The following ITGAV variants were observed in gnomAD, a reference collection of about 807,000 sequenced individuals.
The protein encoded by ITGAV is integrin alpha-V.
In ITGAV, 76 loss-of-function variants were observed where a neutral mutation model predicts 143.8. The observed-to-expected ratio is 0.53, with a 90% CI of 0.44 to 0.64. The LOEUF (loss-of-function observed/expected upper bound fraction) is 0.64. ITGAV is among the 30% of genes least tolerant of loss of function. The pLI is 0.00. For synonymous variants in ITGAV, 453 were observed against 446.7 expected (o/e 1.01, Z -0.18); for missense variants, 1,193 against 1,274.7 (o/e 0.94, Z 0.98).
At chr2:186,595,809 T>A (rs1206657285) in intron 1 of ITGAV, among the ~76,000 whole-genome samples, 1 of 152,020 alleles carries the variant, frequency 6.6e-6, no homozygotes, top group Non-Finnish European at 1.5e-5. Flanking sequence ...CAGCTTCAGA[T>A]TTACACTGCT....
chr2:186,666,779 CA>C lies in ITGAV; in HGVS notation c.2245del (p.Ser749AlafsTer8), dbSNP rs923864591. 6.4e-7 allele frequency: 1 copy of C among 1,558,734 alleles called. No individual in the cohort carries two copies. The highest frequency in any genetic ancestry group is 8.7e-7 in the Non-Finnish European group (1 of 1,149,410). On this transcript the variant is annotated frameshift_variant, in exon 22 of 30. Transcript: ENST00000261023. LOFTEE classifies it high-confidence loss of function. Reference protein sequence around the residue: ...DTSVKFDLQIQSSNLFDKVSP... With the variant: ...DTSVKFDLQIXSSNLFDKVSP... ...TTCTGTGAAATTTGACTTACAAATC[CA>C]AAGGTATGAAAACAACTTATATTCA...
intron 13 of ITGAV, 135 bp from the exon 14 acceptor site, chr2:186,649,705 A>G (rs547309413): frequency 3.9e-6 from 2 of 511,158 alleles, no homozygotes; most frequent in South Asian, 8.1e-5. Context: ...AGCCTTTTAT[A>G]TGATGTCTTA....
intron 18 of ITGAV, 107 bp from the exon 19 acceptor site, chr2:186,663,659 AAT>A (rs1688809400): frequency 7.2e-6 from 5 of 690,198 alleles, no homozygotes; most frequent in Non-Finnish European, 1.2e-5. Context: ...AGTATCTGAA[AAT>A]ATATACATGT....
Position 186,590,206 on chromosome 2 carries a change from C to T in ITGAV, c.-133C>T. The T allele has an allele frequency of 1.4e-6, 1 of 726,862 alleles. No individual in the cohort carries two copies. 45.0% of individuals were successfully genotyped at this position (726,862 alleles called of 1,614,324 possible). A position where few individuals can be genotyped will look rare whatever the true frequency, so the allele number is the denominator to read the frequency against. On this transcript the variant is annotated 5_prime_UTR_variant, in exon 1 of 30. Coordinates refer to ENST00000261023, the MANE Select transcript of ITGAV (RefSeq NM_002210.5). ...CCTCTTGCCTGCCCCGGAGCTGTCCCGGGCTAGCCGAGAAGAGAGCGGCCG... is the reference window on the plus strand; with the variant it reads ...CCTCTTGCCTGCCCCGGAGCTGTCCTGGGCTAGCCGAGAAGAGAGCGGCCG...
intron 6 of ITGAV, among the ~76,000 whole-genome samples, chr2:186,634,916 T>A (rs1227567901): frequency 6.6e-6 from 1 of 152,124 alleles, no homozygotes; most frequent in Non-Finnish European, 1.5e-5. Context: ...TCAAGGAAGC[T>A]AAATTTTGTG....
At chr2:186,642,324 C>T (rs1688126624) in intron 12 of ITGAV, among the ~76,000 whole-genome samples, 1 of 151,730 alleles carries the variant, frequency 6.6e-6, no homozygotes, top group African/African-American at 2.4e-5. Flanking sequence ...GCCTATGCCC[C>T]CTTAAAACCT....
At chr2:186,668,358 T>G (rs1157828496) in intron 24 of ITGAV, among the ~76,000 whole-genome samples, 1 of 149,312 alleles carries the variant, frequency 6.7e-6, no homozygotes, top group East Asian at 2.0e-4. Flanking sequence ...GCTGAGTAGC[T>G]GGGATTACAC....
At chr2:186,640,351 T>C (rs1688067695) in intron 10 of ITGAV, among the ~76,000 whole-genome samples, 1 of 152,208 alleles carries the variant, frequency 6.6e-6, no homozygotes. Context: ...TGGCAAGTAA[T>C]CTATAGAGAT....
Position 186,668,816 on chromosome 2 carries a change from C to T in ITGAV, c.2488C>T (p.Pro830Ser). ...CAAGGCAATGCTCCATCTTCAGTGG[C>T]CTTACAAATATAATAATAACACTCT... ...FSKAMLHLQW[P>S]YKYNNNTLLY... The change falls in exon 25 of 30, where the codon CCT (proline) becomes TCT (serine). Residue 830 changes from proline to serine, a missense_variant. Transcript: ENST00000261023. 1 of 1,613,456 alleles carries T rather than the reference C, an allele frequency of 6.2e-7. No homozygotes were observed. Among genetic ancestry groups the T allele is most frequent in the Non-Finnish European group, 8.5e-7 (1 of 1,179,624 alleles).
chr2:186,615,997 C>A (rs1235786895), intron 2 of ITGAV, among the ~76,000 whole-genome samples: 8 of 151,634 alleles, frequency 5.3e-5, no homozygotes, highest in Non-Finnish European at 1.0e-4. Flanking sequence ...GGTATGGTTC[C>A]AAATTATTTT....
chr2:186,635,898 G>T (rs894436054), intron 6 of ITGAV, among the ~76,000 whole-genome samples, 184 bp from the exon 7 acceptor site: 1 of 152,116 alleles, frequency 6.6e-6, no homozygotes, highest in Non-Finnish European at 1.5e-5. Flanking sequence ...GGCTTAAACA[G>T]AAATAATTTT....
At chr2:186,638,206 T>C in intron 8 of ITGAV, 71 bp from the exon 9 acceptor site, 1 of 1,345,040 alleles carries the variant, frequency 7.4e-7, no homozygotes. Flanking sequence ...CTTGCTGACA[T>C]AGTCACTTCT....
intron 26 of ITGAV, among the ~76,000 whole-genome samples, chr2:186,673,262 A>G (rs1689116316): frequency 6.6e-6 from 1 of 152,236 alleles, no homozygotes; most frequent in African/African-American, 2.4e-5. Flanking sequence ...ATTCAGTTCT[A>G]TTCAGTTGAC....
intron 8 of ITGAV, among the ~76,000 whole-genome samples, chr2:186,637,402 C>T (rs1220336266): frequency 2.0e-5 from 3 of 150,934 alleles, no homozygotes; most frequent in African/African-American, 7.3e-5. Context: ...ATCTCCAGAG[C>T]CCAGGGAGGT....
chr2:186,600,302 C>T (rs1395267689), intron 1 of ITGAV: 1 of 1,534,422 alleles, frequency 6.5e-7, no homozygotes, highest in Admixed American at 2.0e-5. Context: ...CCCTCATCCC[C>T]ACCCCCCACT....
At chr2:186,593,262 A>T (rs1220470441) in intron 1 of ITGAV, among the ~76,000 whole-genome samples, 1 of 152,154 alleles carries the variant, frequency 6.6e-6, no homozygotes, top group African/African-American at 2.4e-5. Flanking sequence ...CTTTATAGAA[A>T]ATTATTATTG....
rs142978189 is a variant in ITGAV, at chr2:186,668,859, A to G, written c.2531A>G (p.Tyr844Cys). Residue 844 changes from tyrosine (Y) to cysteine (C), a missense_variant, in exon 25 of 30, where the codon TAT (tyrosine) becomes TGT (cysteine). Coordinates refer to ENST00000261023, the MANE Select transcript of ITGAV (RefSeq NM_002210.5). ...NNNTLLYILH[Y>C]DIDGPMNCTS... ...AACACTCTGTTGTATATCCTTCATTATGATATTGATGGACCAATGAACTGC... is the reference window on the plus strand; with the variant it reads ...AACACTCTGTTGTATATCCTTCATTGTGATATTGATGGACCAATGAACTGC... 54 of 1,613,396 alleles carry G rather than the reference A, an allele frequency of 3.3e-5. No individual in the cohort carries two copies. In the African/African-American group the frequency reaches 5.7e-4, roughly 17 times the overall value.
At chr2:186,667,061 T>C (rs575751954) in intron 22 of ITGAV, 89 bp from the exon 23 acceptor site, 4 of 907,558 alleles carry the variant, frequency 4.4e-6, no homozygotes, top group African/African-American at 1.7e-5. Flanking sequence ...TTGTTTCGTT[T>C]GTTAATTTTT....
chr2:186,676,933 A>G lies in ITGAV; in HGVS notation c.3049A>G (p.Arg1017Gly). 1.2e-6 allele frequency: 2 copies of G among 1,613,458 alleles called. No individual in the cohort carries two copies. The highest frequency in any genetic ancestry group is 4.5e-5 in the East Asian group (2 of 44,850). Residue 1017 changes from arginine (R) to glycine (G), a missense_variant and splice_region_variant, in exon 29 of 30, where the codon AGG (arginine) becomes GGG (glycine). By Grantham distance (125) the Arg-to-Gly change is moderately radical. Coordinates refer to ENST00000261023, the MANE Select transcript of ITGAV (RefSeq NM_002210.5). ...LLAVLVFVMY[R>G]MGFFKRVRPP... ...GGCTGTTTTGGTATTTGTAATGTACAGGGTAAGTAACGGACTTAGAAAGAA... is the reference window on the plus strand; with the variant it reads ...GGCTGTTTTGGTATTTGTAATGTACGGGGTAAGTAACGGACTTAGAAAGAA...
Sources: gnomAD v4.1 joint callset for allele counts (sites outside exome capture counted in the v4.1 genomes callset) on GRCh38, gnomAD v4.1.1 for gene constraint, MANE v1.5 for transcripts, NCBI Gene and HGNC (gene_info 2026-07-23, HGNC 2026-07-21) for gene names.